INSL6: variants seen among roughly 807,000 people sequenced by gnomAD.
INSL6 encodes the protein insulin like 6, also known as insulin-like peptide INSL6.
INSL6 carries 16 observed loss-of-function variants against 9.4 expected under a neutral mutation model. The ratio of observed to expected loss-of-function variants is 1.70; its 90% CI spans 1.15 to 2.59. The LOEUF is 2.59. INSL6 is among the 30% of genes most tolerant of loss of function. INSL6 has a pLI of 0.00. For missense variants in INSL6, 391 were observed against 257.3 expected, an observed-to-expected ratio of 1.52 and a Z score of -3.56; for synonymous variants, 154 against 96.9, an observed-to-expected ratio of 1.59 and a Z score of -3.46.
the INSL6 span, chr9:5,099,070 C>T: frequency 5.3e-5 from 8 of 152,192 alleles, no homozygotes; most frequent in African/African-American, 1.2e-4. Flanking sequence ...AGTTGATAAC[C>T]GAACAATTCT....
In INSL6 at chr9:5,164,659, C is replaced by T. The variant is rs79161353; in HGVS notation, c.290-394G>A. Among the ~76,000 whole-genome samples, 24 of 152,314 alleles carry T rather than the reference C, an allele frequency of 1.6e-4. 1 individual carries two copies. In the East Asian group the frequency reaches 4.6e-3, roughly 29 times the overall value. ...TTCCATTTCCCTCTCCCACTATCCC[C>T]TAGCAATCACCAATCTACTTTCTGT... On this transcript the variant is annotated intron_variant, in intron 1 of 1. Coordinates refer to ENST00000381641, the MANE Select transcript of INSL6 (RefSeq NM_007179.3).
the INSL6 span, among the ~76,000 whole-genome samples, chr9:5,090,171 A>G: frequency 3.3e-5 from 5 of 152,336 alleles, no homozygotes; most frequent in East Asian, 1.9e-4. Flanking sequence ...TTCGATATCA[A>G]TGAGGAGAAA....
chr9:5,128,951 T>C (rs1326517295), intron 3 of INSL6, among the ~76,000 whole-genome samples: 2 of 152,014 alleles, frequency 1.3e-5, no homozygotes, highest in Non-Finnish European at 1.5e-5. Flanking sequence ...ACAATCTTTA[T>C]ATAAATGACT....
the INSL6 span, chr9:5,112,314 C>T: frequency 1.4e-5 from 4 of 277,682 alleles, no homozygotes; most frequent in East Asian, 1.9e-4. Context: ...TCCAGCTAGC[C>T]AGGCGCCCTC....
chr9:5,074,012 A>G, the INSL6 span, among the ~76,000 whole-genome samples: 8 of 152,322 alleles, frequency 5.3e-5, no homozygotes, highest in East Asian at 1.5e-3. Context: ...ACAATAGAGT[A>G]TTATAGTAAA....
chr9:5,074,775 G>A, the INSL6 span, among the ~76,000 whole-genome samples: 1 of 152,300 alleles, frequency 6.6e-6, no homozygotes, highest in Non-Finnish European at 1.5e-5. Context: ...AGCAGCAAAC[G>A]CTGATGTGGA....
At chr9:5,107,673 A>G in the INSL6 span, among the ~76,000 whole-genome samples, 1 of 152,326 alleles carries the variant, frequency 6.6e-6, no homozygotes, top group African/African-American at 2.4e-5. Flanking sequence ...ATTACCATAT[A>G]CCATATCACT....
the INSL6 span, among the ~76,000 whole-genome samples, chr9:5,104,639 C>T: frequency 5.9e-5 from 9 of 152,280 alleles, no homozygotes; most frequent in East Asian, 1.5e-3. Flanking sequence ...CCCTGATGAA[C>T]GTCGATGTGA....
At chr9:5,025,905 A>T in the INSL6 span, among the ~76,000 whole-genome samples, 1 of 151,880 alleles carries the variant, frequency 6.6e-6, no homozygotes, top group Non-Finnish European at 1.5e-5. Flanking sequence ...AAAATTGTCC[A>T]TCTGTCTATA....
the INSL6 span, chr9:5,080,229 T>G: frequency 6.2e-7 from 1 of 1,607,434 alleles, no homozygotes; most frequent in African/African-American, 1.3e-5. Context: ...CATTTAAAAG[T>G]TCTTCAGGAG....
At chr9:5,072,561 G>T in the INSL6 span, 1 of 1,610,472 alleles carries the variant, frequency 6.2e-7, no homozygotes, top group South Asian at 1.1e-5. Context: ...AGGAGACTAC[G>T]GTCAACTGCA....
chr9:5,073,198 G>A, the INSL6 span, among the ~76,000 whole-genome samples: 1 of 152,222 alleles, frequency 6.6e-6, no homozygotes, highest in East Asian at 1.9e-4. Flanking sequence ...ATTGGTGATT[G>A]TGATTCACTA....
chr9:5,074,098 T>C, the INSL6 span, among the ~76,000 whole-genome samples: 1 of 152,134 alleles, frequency 6.6e-6, no homozygotes, highest in African/African-American at 2.4e-5. Flanking sequence ...TTGGAATAAC[T>C]GGCCTTTTCA....
At chr9:5,095,287 A>G in the INSL6 span, among the ~76,000 whole-genome samples, 2 of 151,794 alleles carry the variant, frequency 1.3e-5, no homozygotes, top group African/African-American at 4.8e-5. Flanking sequence ...CCTCATCACA[A>G]TGCTACGCTC....
chr9:5,085,765 G>T, the INSL6 span: 1 of 754,210 alleles, frequency 1.3e-6, no homozygotes, highest in Non-Finnish European at 2.5e-6. Context: ...TGCACATGTC[G>T]GGAGTTATTA....
chr9:5,173,424 T>C (rs1185757976), intron 1 of INSL6, among the ~76,000 whole-genome samples: 1 of 152,204 alleles, frequency 6.6e-6, no homozygotes, highest in African/African-American at 2.4e-5. Flanking sequence ...GAATACTATG[T>C]AGCCATAAAA....
chr9:5,128,448 TC>T (rs1487322374), intron 3 of INSL6, among the ~76,000 whole-genome samples: 1 of 151,824 alleles, frequency 6.6e-6, no homozygotes, highest in East Asian at 1.9e-4. Flanking sequence ...AAGGAGATCT[TC>T]CATTTTACTA....
At chr9:5,030,537 A>C in the INSL6 span, among the ~76,000 whole-genome samples, 1 of 152,138 alleles carries the variant, frequency 6.6e-6, no homozygotes, top group Admixed American at 6.5e-5. Flanking sequence ...TTCCACATTA[A>C]AGATAAAGAA....
downstream of INSL6, among the ~76,000 whole-genome samples, chr9:5,159,413 T>A (rs188570145): frequency 6.6e-6 from 1 of 151,880 alleles, no homozygotes; most frequent in East Asian, 1.9e-4. Context: ...AGAAACACGC[T>A]TCATGTATAC....
Sources: gnomAD v4.1 joint callset for allele counts (sites outside exome capture counted in the v4.1 genomes callset) on GRCh38, gnomAD v4.1.1 for gene constraint, MANE v1.5 for transcripts, NCBI Gene and HGNC (gene_info 2026-07-23, HGNC 2026-07-21) for gene names.